Variants in LIMS1 observed in about 807,000 individuals in gnomAD.
LIMS1 encodes the protein LIM and senescent cell antigen-like-containing domain protein 1.
A neutral mutation model predicts 44.1 loss-of-function variants in LIMS1; 18 were observed. That is an observed-to-expected ratio of 0.41 (90% CI 0.28 to 0.61). The LOEUF (loss-of-function observed/expected upper bound fraction) is 0.61, where lower values mean the gene tolerates loss of function less well. Among genes scored for constraint, LIMS1 ranks in the 20% least tolerant of loss-of-function variants. The pLI, the probability that LIMS1 is intolerant of heterozygous loss-of-function variation, is 0.32. For synonymous variants in LIMS1, 93 were observed against 149.1 expected (o/e 0.62, Z 2.74); for missense variants, 201 against 422.0 (o/e 0.48, Z 4.59).
intron 1 of LIMS1, among the ~76,000 whole-genome samples, chr2:108,600,848 A>T (rs1686968130): frequency 1.3e-5 from 2 of 151,614 alleles, no homozygotes; most frequent in South Asian, 4.1e-4. Flanking sequence ...AGCTTTGGCT[A>T]TTCAGCTGTT....
chr2:108,652,889 T>C (rs1426626592), intron 1 of LIMS1, among the ~76,000 whole-genome samples: 1 of 152,108 alleles, frequency 6.6e-6, no homozygotes, highest in African/African-American at 2.4e-5. Context: ...CCTCCCTCCC[T>C]GCCTCCTCAC....
chr2:108,592,488 C>T (rs1009164401), intron 1 of LIMS1, among the ~76,000 whole-genome samples: 4 of 152,054 alleles, frequency 2.6e-5, no homozygotes, highest in African/African-American at 9.7e-5. Flanking sequence ...GTGTGGAGAA[C>T]AGGCAGAGAT....
chr2:108,558,047 A>C (rs932865298), intron 1 of LIMS1, among the ~76,000 whole-genome samples: 3 of 152,226 alleles, frequency 2.0e-5, no homozygotes, highest in African/African-American at 7.2e-5. Flanking sequence ...CAGACTATTT[A>C]ATACCTAAAA....
chr2:108,577,553 A>G (rs530865493), intron 1 of LIMS1, among the ~76,000 whole-genome samples: 4 of 152,334 alleles, frequency 2.6e-5, no homozygotes, highest in African/African-American at 4.8e-5. Context: ...TTTGTTTTCT[A>G]CTTACCCCTA....
Position 108,611,958 on chromosome 2 carries a change from T to TATACATATATATAAAATATATATACATA in LIMS1, c.33-47647_33-47646insATACATATATATAAAATATATATACATA, listed in dbSNP as rs1439833875. ...CATATATAAAATATATATACATATATTATATATACACATATATAAAATATA... is the reference window on the plus strand; with the variant it reads ...CATATATAAAATATATATACATATATATACATATATATAAAATATATATACATATATATATACACATATATAAAATATA... On this transcript the variant is annotated intron_variant, in intron 1 of 9. Transcript: ENST00000544547. Among the ~76,000 whole-genome samples the TATACATATATATAAAATATATATACATA allele has an allele frequency of 7.2e-4, 102 of 141,898 alleles. 1 individual carries two copies. Among genetic ancestry groups the TATACATATATATAAAATATATATACATA allele is most frequent in the African/African-American group, 2.6e-3 (96 of 36,880 alleles). The allele number at this position is 141,898 out of a possible 152,430, so 93.1% of individuals were successfully genotyped here.
intron 1 of LIMS1, chr2:108,607,361 CAT>C: frequency 9.6e-7 from 1 of 1,036,828 alleles, no homozygotes; most frequent in East Asian, 2.6e-5. Flanking sequence ...ATAAATAGTA[CAT>C]GTGTGCACAT....
At chr2:108,660,631 A>G (rs1406565231) in intron 2 of LIMS1, 39 of 288,306 alleles carry the variant, frequency 1.4e-4, no homozygotes, top group Non-Finnish European at 1.6e-4. Flanking sequence ...GAGTCTCCCT[A>G]TGTTGCCCAG....
chr2:108,648,319 CACAA>C (rs755899643), intron 1 of LIMS1, among the ~76,000 whole-genome samples: 2 of 152,124 alleles, frequency 1.3e-5, no homozygotes, highest in Non-Finnish European at 2.9e-5. Context: ...TAAGAGAGGA[CACAA>C]ACAAATGGAA....
chr2:108,614,266 C>T (rs533690631), intron 1 of LIMS1, among the ~76,000 whole-genome samples: 58 of 152,344 alleles, frequency 3.8e-4, no homozygotes, highest in African/African-American at 1.3e-3. Flanking sequence ...GCCTCCTCCA[C>T]GCGAACTGCC....
At chr2:108,610,820 G>A (rs565932778) in intron 1 of LIMS1, among the ~76,000 whole-genome samples, 5 of 152,244 alleles carry the variant, frequency 3.3e-5, no homozygotes, top group African/African-American at 1.2e-4. Flanking sequence ...CAGCTCTGTT[G>A]TCATGTAGAA....
In LIMS1 at chr2:108,583,262, C is replaced by T. The variant is rs536868281; in HGVS notation, c.32+48668C>T. Among the ~76,000 whole-genome samples, 8 of 151,056 alleles carry T rather than the reference C, an allele frequency of 5.3e-5. No individual in the cohort carries two copies. The East Asian group carries it at 1.2e-3, about 22-fold the overall frequency. ...CTCACCATGTTAGGCAGGCTGGTCTCGAACTCCTGACCTCAGATGATCTGC... is the reference window on the plus strand; with the variant it reads ...CTCACCATGTTAGGCAGGCTGGTCTTGAACTCCTGACCTCAGATGATCTGC... On this transcript the variant is annotated intron_variant, in intron 1 of 9. Transcript: ENST00000544547.
chr2:108,603,818 AC>A (rs1687136773), intron 1 of LIMS1, among the ~76,000 whole-genome samples: 3 of 151,768 alleles, frequency 2.0e-5, no homozygotes, highest in Non-Finnish European at 4.4e-5. Context: ...ATTTTGTTTA[AC>A]TTTTTAAAAA....
exon 10 of LIMS1, chr2:108,685,794 T>G (rs1375162271): frequency 6.6e-6 from 1 of 152,208 alleles, no homozygotes; most frequent in Admixed American, 6.5e-5. Context: ...TTAAATATTA[T>G]GCTATGAATA....
At chr2:108,671,175 A>G (rs1478241715) in intron 3 of LIMS1, among the ~76,000 whole-genome samples, 7 of 151,802 alleles carry the variant, frequency 4.6e-5, no homozygotes, top group Non-Finnish European at 1.0e-4. Context: ...TCTTGCGGGG[A>G]AAAAAAGTAA....
chr2:108,587,954 G>C (rs186432017), intron 1 of LIMS1, among the ~76,000 whole-genome samples: 14 of 152,312 alleles, frequency 9.2e-5, no homozygotes, highest in Admixed American at 2.6e-4. Flanking sequence ...CTTGACCCCA[G>C]AGTAGCATTC....
chr2:108,614,462 AG>A (rs1233534040), intron 1 of LIMS1, among the ~76,000 whole-genome samples: 1 of 152,156 alleles, frequency 6.6e-6, no homozygotes, highest in Non-Finnish European at 1.5e-5. Flanking sequence ...TTTTTCATTC[AG>A]TGGTAGATCA....
intron 1 of LIMS1, among the ~76,000 whole-genome samples, chr2:108,569,679 A>G (rs1213462393): frequency 1.3e-5 from 2 of 151,306 alleles, no homozygotes; most frequent in Admixed American, 1.3e-4. Context: ...TCACTATGGC[A>G]TGAACACCTA....
chr2:108,592,927 G>A lies in LIMS1; in HGVS notation c.32+58333G>A, dbSNP rs1558800591. Among the ~76,000 whole-genome samples the A allele has an allele frequency of 2.0e-5, 3 of 152,150 alleles. No individual in the cohort carries two copies. The South Asian group carries it at 6.2e-4, about 32-fold the overall frequency. ...AATAGTAAAATGTATATAACATTCAGTTGTGGAGGACACTTGGGTTGTTTC... is the reference window on the plus strand; with the variant it reads ...AATAGTAAAATGTATATAACATTCAATTGTGGAGGACACTTGGGTTGTTTC... On this transcript the variant is annotated intron_variant, in intron 1 of 9. Coordinates refer to ENST00000544547, the Ensembl canonical transcript of LIMS1.
intron 1 of LIMS1, among the ~76,000 whole-genome samples, chr2:108,573,404 G>A (rs192757347): frequency 1.6e-4 from 25 of 151,692 alleles, no homozygotes; most frequent in East Asian, 3.9e-4. Flanking sequence ...TTATTTTGGC[G>A]TAAGAAATGA....
Sources: allele counts gnomAD v4.1 joint callset (sites outside exome capture counted in the v4.1 genomes callset), GRCh38; gene constraint gnomAD v4.1.1; transcripts MANE v1.5; gene names NCBI Gene and HGNC (gene_info 2026-07-23, HGNC 2026-07-21).